Variants in MAP2 observed in about 807,000 individuals in gnomAD.
MAP2 encodes the protein microtubule associated protein 2.
MAP2 carries 14 observed loss-of-function variants against 137.6 expected under a neutral mutation model. That is an observed-to-expected ratio of 0.10 (90% CI 0.07 to 0.16). The LOEUF (loss-of-function observed/expected upper bound fraction) is 0.16. MAP2 is among the 10% of genes least tolerant of loss of function. The pLI, the probability that MAP2 is intolerant of heterozygous loss-of-function variation, is 1.00. For missense variants in MAP2, 2,088 were observed against 2,191.5 expected, an observed-to-expected ratio of 0.95 and a Z score of 0.94; for synonymous variants, 786 against 782.3, an observed-to-expected ratio of 1.00 and a Z score of -0.08.
intron 3 of MAP2, among the ~76,000 whole-genome samples, chr2:209,623,422 ATGCATATG>A (rs2091676565): frequency 6.6e-6 from 1 of 152,230 alleles, no homozygotes; most frequent in Non-Finnish European, 1.5e-5. Context: ...ACTTATCCAT[ATGCATATG>A]TGCTTACTTA....
intron 2 of MAP2, among the ~76,000 whole-genome samples, chr2:209,521,294 C>A (rs758058254): frequency 4.6e-5 from 7 of 151,932 alleles, no homozygotes; most frequent in Admixed American, 1.3e-4. Flanking sequence ...ATATGATGCA[C>A]CAAAATATAA....
At chr2:209,642,431 A>G (rs991818782) in intron 4 of MAP2, among the ~76,000 whole-genome samples, 1 of 151,416 alleles carries the variant, frequency 6.6e-6, no homozygotes, top group Non-Finnish European at 1.5e-5. Flanking sequence ...TGTCTTTGAA[A>G]AAAAAAAAAA....
At chr2:209,585,254 T>C (rs1182628774) in intron 3 of MAP2, among the ~76,000 whole-genome samples, 2 of 130,668 alleles carry the variant, frequency 1.5e-5, no homozygotes, top group Non-Finnish European at 3.3e-5. Flanking sequence ...AATGAAGAAT[T>C]AAAAAAAAAA....
chr2:209,498,164 CA>C (rs902025458), intron 1 of MAP2, among the ~76,000 whole-genome samples: 4 of 152,124 alleles, frequency 2.6e-5, no homozygotes, highest in African/African-American at 9.7e-5. Context: ...AGAAATTGGC[CA>C]AAGGAAAGGG....
chr2:209,424,703 C>G (rs1171275116), intron 1 of MAP2, among the ~76,000 whole-genome samples: 1 of 152,170 alleles, frequency 6.6e-6, no homozygotes, highest in Non-Finnish European at 1.5e-5. Context: ...CTGCAGAGAA[C>G]TGCACACTGG....
intron 3 of MAP2, among the ~76,000 whole-genome samples, chr2:209,623,149 G>A (rs1394125866): frequency 6.6e-6 from 1 of 152,076 alleles, no homozygotes; most frequent in Non-Finnish European, 1.5e-5. Flanking sequence ...TAAATGGCCA[G>A]ATAGTAAATG....
intron 2 of MAP2, among the ~76,000 whole-genome samples, chr2:209,556,137 C>T (rs1428485104): frequency 6.7e-6 from 1 of 150,140 alleles, no homozygotes; most frequent in Non-Finnish European, 1.5e-5. Flanking sequence ...AACTCCCGGG[C>T]TCAAGTGATC....
intron 2 of MAP2, among the ~76,000 whole-genome samples, chr2:209,572,130 T>A (rs1338035148): frequency 6.6e-6 from 1 of 152,032 alleles, no homozygotes; most frequent in Non-Finnish European, 1.5e-5. Flanking sequence ...AATGAAATAG[T>A]CAAGCTAAAC....
intron 4 of MAP2, among the ~76,000 whole-genome samples, chr2:209,632,476 A>G (rs1394800569): frequency 6.6e-6 from 1 of 152,190 alleles, no homozygotes; most frequent in Non-Finnish European, 1.5e-5. Flanking sequence ...GAACAACAAA[A>G]AAGTGTCATA....
At chr2:209,711,505 A>G (rs943092876) in intron 13 of MAP2, among the ~76,000 whole-genome samples, 1 of 152,184 alleles carries the variant, frequency 6.6e-6, no homozygotes, top group Admixed American at 6.5e-5. Context: ...ATAACATTCT[A>G]TAATAATAGA....
chr2:209,632,006 C>T (rs1009930522), intron 4 of MAP2, among the ~76,000 whole-genome samples: 2 of 152,096 alleles, frequency 1.3e-5, no homozygotes, highest in East Asian at 1.9e-4. Flanking sequence ...GTGGGGATTC[C>T]GTGGGCAACA....
At chr2:209,616,006 A>G (rs2153504713) in intron 3 of MAP2, among the ~76,000 whole-genome samples, 1 of 152,192 alleles carries the variant, frequency 6.6e-6, no homozygotes, top group South Asian at 2.1e-4. Context: ...TGAGGGCACC[A>G]TTTCTCCCCT....
chr2:209,594,796 G>A (rs531190017), intron 3 of MAP2, among the ~76,000 whole-genome samples: 2 of 151,832 alleles, frequency 1.3e-5, no homozygotes, highest in South Asian at 2.1e-4. Context: ...TCCTTTCCTC[G>A]GCCTTTATTT....
At chr2:209,668,744 A>G (rs1559518337) in intron 5 of MAP2, among the ~76,000 whole-genome samples, 1 of 152,016 alleles carries the variant, frequency 6.6e-6, no homozygotes, top group Non-Finnish European at 1.5e-5. Context: ...CATATTTAGA[A>G]TTTTTCCAGT....
intron 1 of MAP2, among the ~76,000 whole-genome samples, chr2:209,428,897 A>G (rs1431923181): frequency 6.6e-6 from 1 of 151,836 alleles, no homozygotes; most frequent in East Asian, 1.9e-4. Flanking sequence ...TGTCCTCATT[A>G]GCCTTCTTTG....
In MAP2 at chr2:209,693,400, A is replaced by C. The variant is rs780766647; in HGVS notation, c.1230A>C (p.Glu410Asp). The part of the protein sequence containing the change: ...EEHVMGKVLE[E>D]EKEAINQETV... Reference sequence around the variant, plus strand: ...ATGTTATGGGGAAAGTTTTAGAGGAAGAAAAGGAGGCCATAAATCAAGAGA... The same window carrying C: ...ATGTTATGGGGAAAGTTTTAGAGGACGAAAAGGAGGCCATAAATCAAGAGA... The change falls in exon 8 of 16, where the codon GAA becomes GAC. Residue 410 changes from glutamate (E) to aspartate (D), a missense_variant. Glu to Asp is a conservative substitution (Grantham distance 45). This residue lies in a region of MAP2 where 859 missense variants were observed against 794.5 expected (regional missense o/e 1.08). Coordinates refer to ENST00000682079, the MANE Select transcript of MAP2 (RefSeq NM_001375505.1). The C allele has an allele frequency of 4.3e-6, 7 of 1,613,090 alleles. No homozygotes were observed. The highest frequency in any genetic ancestry group is 5.9e-6 in the Non-Finnish European group (7 of 1,179,818).
At chr2:209,569,843 A>G (rs1273980855) in intron 2 of MAP2, among the ~76,000 whole-genome samples, 2 of 151,850 alleles carry the variant, frequency 1.3e-5, no homozygotes, top group Admixed American at 1.3e-4. Context: ...GTACTTTACT[A>G]TTATCATCTG....
intron 4 of MAP2, among the ~76,000 whole-genome samples, chr2:209,625,642 G>T (rs1351277399): frequency 6.6e-6 from 1 of 152,144 alleles, no homozygotes; most frequent in African/African-American, 2.4e-5. Flanking sequence ...CAGAACACCA[G>T]CCCCAGCTGT....
At chr2:209,716,854 T>C (rs2067862355) in intron 13 of MAP2, among the ~76,000 whole-genome samples, 1 of 152,180 alleles carries the variant, frequency 6.6e-6, no homozygotes, top group Non-Finnish European at 1.5e-5. Context: ...ATGGTACTAC[T>C]TGGAGCATGA....
Sources: gnomAD v4.1 joint callset for allele counts (sites outside exome capture counted in the v4.1 genomes callset) on GRCh38, gnomAD v4.1.1 for gene constraint, gnomAD v4.1.1 regional missense constraint, MANE v1.5 for transcripts, NCBI Gene and HGNC (gene_info 2026-07-23, HGNC 2026-07-21) for gene names.